MOB1B: variants seen among roughly 807,000 people sequenced by gnomAD.
MOB1B encodes the protein MOB kinase activator 1B.
Under a neutral mutation model 24.4 loss-of-function variants are expected in MOB1B, and 19 were observed. The ratio of observed to expected loss-of-function variants is 0.78; its 90% CI spans 0.54 to 1.14. The LOEUF (loss-of-function observed/expected upper bound fraction) is 1.14, where lower values mean the gene tolerates loss of function less well. Ranked by LOEUF, MOB1B falls within the 50% of genes most tolerant of loss-of-function variation. The pLI is 0.00. For synonymous variants in MOB1B, 76 were observed against 82.1 expected (o/e 0.93, Z 0.40); for missense variants, 243 against 259.6 (o/e 0.94, Z 0.44).
intron 1 of MOB1B, among the ~76,000 whole-genome samples, chr4:70,931,650 C>T (rs1736893629): frequency 6.6e-6 from 1 of 152,174 alleles, no homozygotes; most frequent in Non-Finnish European, 1.5e-5. Context: ...CACACTTTGT[C>T]AACTGTATAA....
intron 1 of MOB1B, among the ~76,000 whole-genome samples, chr4:70,906,355 C>T (rs1197332591): frequency 5.3e-5 from 8 of 151,982 alleles, no homozygotes; most frequent in Admixed American, 2.0e-4. Flanking sequence ...CCAGCCTGGA[C>T]GACAGAGTGA....
At chr4:70,938,634 T>G (rs1737189749) in intron 1 of MOB1B, among the ~76,000 whole-genome samples, 1 of 152,138 alleles carries the variant, frequency 6.6e-6, no homozygotes, top group Admixed American at 6.6e-5. Context: ...AACTGCTTTT[T>G]AAACAGAGTG....
intron 1 of MOB1B, among the ~76,000 whole-genome samples, chr4:70,921,642 G>A (rs1338929412): frequency 6.6e-6 from 1 of 151,838 alleles, no homozygotes. Context: ...CCCAGTAGCT[G>A]GGATTACAGG....
intron 1 of MOB1B, among the ~76,000 whole-genome samples, chr4:70,929,091 A>G (rs1736769620): frequency 6.6e-6 from 1 of 152,180 alleles, no homozygotes; most frequent in Non-Finnish European, 1.5e-5. Flanking sequence ...GACTTTTAAA[A>G]TTAATGCCAA....
rs1262101379 is a variant in MOB1B at position 70,986,102 on chromosome 4, C to T, written c.*4045C>T. The T allele has an allele frequency of 6.6e-6, 1 of 152,034 alleles. No homozygotes were observed. 9.4% of individuals were successfully genotyped at this position (152,034 alleles called of 1,614,324 possible). A position where few individuals can be genotyped will look rare whatever the true frequency, so the allele number is the denominator to read the frequency against. On this transcript the variant is annotated 3_prime_UTR_variant, in exon 6 of 6. Coordinates refer to ENST00000309395, the MANE Select transcript of MOB1B (RefSeq NM_173468.4). ...GTTAGATATACTAATGGAAAAAAAC[C>T]AAGTCCTTTCTCTAGAACTTGTTTT...
At chr4:70,943,335 GTTATAACTGTGATGATC>G (rs1225841457) in intron 1 of MOB1B, among the ~76,000 whole-genome samples, 1 of 152,176 alleles carries the variant, frequency 6.6e-6, no homozygotes, top group Non-Finnish European at 1.5e-5. Context: ...CAGCACAGCT[GTTATAACTGTGATGATC>G]TTTGAGGTGA....
intron 1 of MOB1B, among the ~76,000 whole-genome samples, chr4:70,914,465 G>T (rs187630718): frequency 6.6e-6 from 1 of 152,144 alleles, no homozygotes; most frequent in Non-Finnish European, 1.5e-5. Context: ...ATCTGAGGAC[G>T]TTGGTTCTGC....
At chr4:70,909,996 C>T (rs1335762014) in intron 1 of MOB1B, among the ~76,000 whole-genome samples, 2 of 151,948 alleles carry the variant, frequency 1.3e-5, no homozygotes, top group Non-Finnish European at 2.9e-5. Flanking sequence ...GCTCCTCCCA[C>T]CTCGGCCTCC....
At chr4:70,947,469 C>A (rs1473562230) in intron 1 of MOB1B, among the ~76,000 whole-genome samples, 1 of 151,922 alleles carries the variant, frequency 6.6e-6, no homozygotes, top group Non-Finnish European at 1.5e-5. Context: ...GAGATGGAGT[C>A]TTACTATGTT....
chr4:70,927,897 G>A (rs1266796811), intron 1 of MOB1B, among the ~76,000 whole-genome samples: 4 of 152,158 alleles, frequency 2.6e-5, no homozygotes, highest in Admixed American at 6.5e-5. Flanking sequence ...AGCCTCATCC[G>A]TGCCTTCCTG....
At chr4:70,966,505 G>A (rs1180747632) in intron 2 of MOB1B, among the ~76,000 whole-genome samples, 1 of 151,870 alleles carries the variant, frequency 6.6e-6, no homozygotes, top group Non-Finnish European at 1.5e-5. Flanking sequence ...CTCCCGAGTA[G>A]CTGGGATTAC....
chr4:70,969,543 G>A (rs1738671130), intron 2 of MOB1B, among the ~76,000 whole-genome samples: 1 of 152,144 alleles, frequency 6.6e-6, no homozygotes, highest in Non-Finnish European at 1.5e-5. Flanking sequence ...GTAGTTCCAT[G>A]ATTACCAACA....
At chr4:70,959,756 G>A (rs1738223979) in intron 2 of MOB1B, among the ~76,000 whole-genome samples, 1 of 152,114 alleles carries the variant, frequency 6.6e-6, no homozygotes, top group Non-Finnish European at 1.5e-5. Flanking sequence ...AGGTCATATA[G>A]CTATTAAATG....
At chr4:70,957,455 G>A (rs913234909) in intron 1 of MOB1B, among the ~76,000 whole-genome samples, 41 of 149,764 alleles carry the variant, frequency 2.7e-4, no homozygotes, top group Non-Finnish European at 5.3e-4. Context: ...TTTTTAAAGA[G>A]GCAGGCCTCA....
At position 70,975,267 on chromosome 4, in the gene MOB1B, G is replaced by A. The variant is rs748890319; in HGVS notation, c.390G>A (p.Thr130=). 55 of 1,612,654 alleles carry A rather than the reference G, an allele frequency of 3.4e-5. No individual in the cohort carries two copies. The South Asian group carries it at 4.4e-4, about 13-fold the overall frequency. The change falls in exon 4 of 6, where the codon ACG becomes ACA. Residue 130 remains threonine, a synonymous_variant. Coordinates refer to ENST00000309395, the MANE Select transcript of MOB1B (RefSeq NM_173468.4). ...TTCAGGACCAGTTGGATGATGAGAC[G>A]TTATTTCCATCAAAAATTGGTATAA... The part of the protein sequence containing the change: ...TWVQDQLDDE[T]LFPSKIGVPF...
intron 1 of MOB1B, among the ~76,000 whole-genome samples, chr4:70,954,268 A>G (rs956706073): frequency 2.0e-5 from 3 of 152,120 alleles, no homozygotes; most frequent in Non-Finnish European, 4.4e-5. Context: ...AATGTTGCAT[A>G]TATCCTCTCA....
chr4:70,924,272 C>T (rs970464137), intron 1 of MOB1B, among the ~76,000 whole-genome samples: 1 of 152,168 alleles, frequency 6.6e-6, no homozygotes, highest in African/African-American at 2.4e-5. Flanking sequence ...CTTCTCCATA[C>T]CTGCCAAATA....
At chr4:70,940,015 A>G (rs961147633) in intron 1 of MOB1B, among the ~76,000 whole-genome samples, 3 of 152,104 alleles carry the variant, frequency 2.0e-5, no homozygotes, top group Admixed American at 1.3e-4. Context: ...CCGTTGGTTT[A>G]TGGCCTGCCC....
chr4:70,938,151 G>A (rs1737160082), intron 1 of MOB1B, among the ~76,000 whole-genome samples: 2 of 151,802 alleles, frequency 1.3e-5, no homozygotes, highest in African/African-American at 4.8e-5. Context: ...TTATTTATAA[G>A]TAGGGCAATT....
Sources: allele counts gnomAD v4.1 joint callset (sites outside exome capture counted in the v4.1 genomes callset), GRCh38; gene constraint gnomAD v4.1.1; transcripts MANE v1.5; gene names NCBI Gene and HGNC (gene_info 2026-07-23, HGNC 2026-07-21).